Variants in MAGI2 observed in about 807,000 individuals in gnomAD.
MAGI2 encodes the protein membrane-associated guanylate kinase, WW and PDZ domain-containing protein 2.
In MAGI2, 35 loss-of-function variants were observed where a neutral mutation model predicts 133.3. That is an observed-to-expected ratio of 0.26 (90% confidence interval 0.20 to 0.35). The LOEUF (loss-of-function observed/expected upper bound fraction) is 0.35. Ranked by LOEUF, MAGI2 falls within the 10% of genes least tolerant of loss-of-function variation. The probability of loss-of-function intolerance (pLI) is 1.00; values close to 1 mark genes in which losing one functional copy is unlikely to be tolerated. For synonymous variants in MAGI2, 729 were observed against 710.6 expected, an observed-to-expected ratio of 1.03 and a Z score of -0.41; for missense variants, 1,636 against 1,863.4, an observed-to-expected ratio of 0.88 and a Z score of 2.25.
At chr7:78,324,170 CACACTACACTACACTACACT>C (rs71085522) in intron 9 of MAGI2, among the ~76,000 whole-genome samples, 1 of 127,282 alleles carries the variant, frequency 7.9e-6, no homozygotes, top group South Asian at 2.8e-4. Context: ...CACTACACTA[CACACTACACTACACTACACT>C]ACACTACACT....
chr7:78,754,008 T>A (rs897572877), intron 2 of MAGI2, among the ~76,000 whole-genome samples: 1 of 152,046 alleles, frequency 6.6e-6, no homozygotes, highest in African/African-American at 2.4e-5. Context: ...TAAAATATGG[T>A]AAAGGAATTT....
intron 2 of MAGI2, among the ~76,000 whole-genome samples, chr7:78,787,019 G>A (rs80182352): frequency 5.3e-5 from 8 of 151,672 alleles, no homozygotes; most frequent in Middle Eastern, 3.4e-3. Context: ...GCGCGATCTC[G>A]GCTCACTGCA....
At chr7:79,310,967 C>A (rs1177824464) in intron 1 of MAGI2, among the ~76,000 whole-genome samples, 1 of 150,926 alleles carries the variant, frequency 6.6e-6, no homozygotes, top group Non-Finnish European at 1.5e-5. Flanking sequence ...CACACACACA[C>A]CCCTCTCCAT....
intron 20 of MAGI2, among the ~76,000 whole-genome samples, chr7:78,110,940 G>T (rs1344017879): frequency 1.3e-5 from 2 of 152,142 alleles, no homozygotes; most frequent in African/African-American, 4.8e-5. Flanking sequence ...GCTCTGCCAT[G>T]CAAACCAAAT....
chr7:78,208,210 C>T (rs66534323), intron 10 of MAGI2, among the ~76,000 whole-genome samples: 25,409 of 146,072 alleles, frequency 0.17, 2,791 homozygotes, highest in Non-Finnish European at 0.24. Context: ...CCTTTCTGTA[C>T]CTTTTAAATA....
chr7:79,130,577 T>C (rs1244871543), intron 1 of MAGI2, among the ~76,000 whole-genome samples: 1 of 152,216 alleles, frequency 6.6e-6, no homozygotes, highest in East Asian at 1.9e-4. Context: ...GAGAGTCTAG[T>C]GTCTACTTCA....
chr7:78,668,263 C>G lies in MAGI2; in HGVS notation c.419-41024G>C, dbSNP rs375832976. 8.7e-4 allele frequency among the ~76,000 whole-genome samples: 132 copies of G among 151,724 alleles called. 1 individual carries two copies. The East Asian group carries it at 9.5e-3, about 11-fold the overall frequency. On this transcript the variant is annotated intron_variant, in intron 2 of 21. Coordinates refer to ENST00000354212, the MANE Select transcript of MAGI2 (RefSeq NM_012301.4). ...TTGTTTGTTTTTTTCTTGTAAATTT[C>G]TTTGAGTTCATTGTAGATTCTGGAT... is the stretch of plus-strand genomic sequence containing the variant.
At chr7:78,970,966 G>A (rs1032165106) in intron 2 of MAGI2, among the ~76,000 whole-genome samples, 1 of 152,000 alleles carries the variant, frequency 6.6e-6, no homozygotes. Flanking sequence ...AAGCCCTTTA[G>A]TTTTGGGGTC....
intron 6 of MAGI2, among the ~76,000 whole-genome samples, chr7:78,376,749 T>C (rs1470321885): frequency 6.6e-6 from 1 of 152,078 alleles, no homozygotes; most frequent in Non-Finnish European, 1.5e-5. Context: ...CTAACTTAAA[T>C]ATGACATCTA....
At chr7:78,499,993 C>T (rs1230204257) in intron 5 of MAGI2, among the ~76,000 whole-genome samples, 1 of 152,182 alleles carries the variant, frequency 6.6e-6, no homozygotes, top group Non-Finnish European at 1.5e-5. Context: ...ATGCCTTGGT[C>T]ATTGATTACA....
chr7:78,950,262 A>G (rs1801757334), intron 2 of MAGI2, among the ~76,000 whole-genome samples: 1 of 152,176 alleles, frequency 6.6e-6, no homozygotes, highest in Non-Finnish European at 1.5e-5. Flanking sequence ...CTGCTAACAC[A>G]TATCCCTATC....
At chr7:78,722,602 T>A (rs1335041651) in intron 2 of MAGI2, among the ~76,000 whole-genome samples, 1 of 152,088 alleles carries the variant, frequency 6.6e-6, no homozygotes, top group African/African-American at 2.4e-5. Flanking sequence ...AACTCTGGCT[T>A]CATTTTCAGG....
chr7:78,452,998 T>G (rs1788891156), intron 6 of MAGI2, among the ~76,000 whole-genome samples: 1 of 152,156 alleles, frequency 6.6e-6, no homozygotes, highest in African/African-American at 2.4e-5. Flanking sequence ...TTTTGAAATT[T>G]TTTTTACTTG....
At chr7:79,172,024 T>A (rs1825672241) in intron 1 of MAGI2, among the ~76,000 whole-genome samples, 1 of 151,724 alleles carries the variant, frequency 6.6e-6, no homozygotes, top group Non-Finnish European at 1.5e-5. Flanking sequence ...ACTAAGTAGT[T>A]TCTCCTTCTA....
In MAGI2 at chr7:78,036,512, A is replaced by G. The variant is rs149866667; in HGVS notation, c.3707-16536T>C. ...GTCATTTAAGTTTCATAACAAACCT[A>G]AGAAGTAGATACTGCTGCTGTTTTT... is the stretch of plus-strand genomic sequence containing the variant. On this transcript the variant is annotated intron_variant, in intron 21 of 21. Transcript: ENST00000354212. Among the ~76,000 whole-genome samples, 13 of 152,356 alleles carry G rather than the reference A, an allele frequency of 8.5e-5. No individual in the cohort carries two copies. In the East Asian group the frequency reaches 2.5e-3, roughly 29 times the overall value.
At chr7:78,828,602 A>G (rs2151438349) in intron 2 of MAGI2, among the ~76,000 whole-genome samples, 1 of 152,330 alleles carries the variant, frequency 6.6e-6, no homozygotes, top group Non-Finnish European at 1.5e-5. Flanking sequence ...AAGAACATTA[A>G]GTAAAAACTA....
chr7:78,761,069 G>A (rs977910369), intron 2 of MAGI2, among the ~76,000 whole-genome samples: 4 of 152,168 alleles, frequency 2.6e-5, no homozygotes, highest in Admixed American at 6.5e-5. Flanking sequence ...AAAATGAGAT[G>A]GAAAAACCTA....
intron 21 of MAGI2, among the ~76,000 whole-genome samples, chr7:78,049,107 CA>C (rs34719237): frequency 0.23 from 32,004 of 136,394 alleles, 3,305 homozygotes; most frequent in African/African-American, 0.28. Context: ...GACTCCACCT[CA>C]AAAAAAAAAA....
intron 21 of MAGI2, among the ~76,000 whole-genome samples, chr7:78,076,564 A>G (rs56254621): frequency 0.13 from 19,501 of 151,744 alleles, 1,448 homozygotes; most frequent in South Asian, 0.18. Context: ...TAATGAAATA[A>G]GGCCGGGCGC....
Sources: gnomAD v4.1 joint callset for allele counts (sites outside exome capture counted in the v4.1 genomes callset) on GRCh38, gnomAD v4.1.1 for gene constraint, MANE v1.5 for transcripts, NCBI Gene and HGNC (gene_info 2026-07-23, HGNC 2026-07-21) for gene names.